VPS13B: variants seen among roughly 807,000 people sequenced by gnomAD.
VPS13B encodes the protein vacuolar protein sorting 13 homolog B.
In VPS13B, 285 loss-of-function variants were observed where a neutral mutation model predicts 426.4. The ratio of observed to expected loss-of-function variants is 0.67; its 90% CI spans 0.61 to 0.74. VPS13B has a LOEUF of 0.74. Among genes scored for constraint, VPS13B ranks in the 30% least tolerant of loss-of-function variants. The probability of loss-of-function intolerance (pLI) is 0.00; values close to 1 mark genes in which losing one functional copy is unlikely to be tolerated. For synonymous variants in VPS13B, 1,676 were observed against 1,676.4 expected (o/e 1.00, Z 0.01); for missense variants, 4,537 against 4,782.6 (o/e 0.95, Z 1.51).
At chr8:99,457,194 G>A (rs776578731) in intron 23 of VPS13B, among the ~76,000 whole-genome samples, 1 of 151,908 alleles carries the variant, frequency 6.6e-6, no homozygotes, top group Non-Finnish European at 1.5e-5. Flanking sequence ...AACATGCCCG[G>A]CTAACATTTT....
chr8:99,549,023 A>G (rs1185888619), intron 30 of VPS13B, among the ~76,000 whole-genome samples: 2 of 152,104 alleles, frequency 1.3e-5, no homozygotes, highest in African/African-American at 4.8e-5. Flanking sequence ...TTTCATTTGT[A>G]CTTGGAAAAC....
chr8:99,771,541 AGCCTGTGTATAT>A (rs1811489621), intron 40 of VPS13B, among the ~76,000 whole-genome samples: 2 of 152,260 alleles, frequency 1.3e-5, no homozygotes, highest in Non-Finnish European at 2.9e-5. Flanking sequence ...AGTGATCCAC[AGCCTGTGTATAT>A]ATGAGTGTGT....
chr8:99,684,362 G>A (rs1038531916), intron 35 of VPS13B, among the ~76,000 whole-genome samples: 2 of 152,174 alleles, frequency 1.3e-5, no homozygotes, highest in South Asian at 2.1e-4. Flanking sequence ...GAGGACAGGG[G>A]AATGAAGAAA....
At chr8:99,772,608 A>G (rs566049235) in intron 40 of VPS13B, among the ~76,000 whole-genome samples, 1 of 152,340 alleles carries the variant, frequency 6.6e-6, no homozygotes, top group South Asian at 2.1e-4. Flanking sequence ...AATGGTTAAA[A>G]TGATAAATTT....
Position 99,877,269 on chromosome 8 carries a change from G to GTT in VPS13B, c.*1605_*1606dup, listed in dbSNP as rs1817738000. 6.6e-6 allele frequency: 1 copy of GTT among 152,572 alleles called. No individual in the cohort carries two copies. Among genetic ancestry groups the GTT allele is most frequent in the Non-Finnish European group, 1.5e-5 (1 of 68,028 alleles). 9.5% of individuals were successfully genotyped at this position (152,572 alleles called of 1,614,324 possible). A position where few individuals can be genotyped will look rare whatever the true frequency, so the allele number is the denominator to read the frequency against. The stretch of plus-strand genomic sequence containing the variant: ...CTGACTATGAAAAATGTCTCTTTCA[G>GTT]TTTGTTCTGTAAATATTTAGAAAAG... On this transcript the variant is annotated 3_prime_UTR_variant, in exon 62 of 62. Coordinates refer to ENST00000357162, the MANE Select transcript of VPS13B (RefSeq NM_152564.5).
intron 59 of VPS13B, among the ~76,000 whole-genome samples, chr8:99,868,819 A>C (rs563320932): frequency 2.0e-5 from 3 of 152,358 alleles, no homozygotes; most frequent in Non-Finnish European, 2.9e-5. Context: ...GGCTGTGGGA[A>C]GATAACTCTA....
At chr8:99,112,909 A>G (rs1360646388) in intron 6 of VPS13B, among the ~76,000 whole-genome samples, 2 of 152,176 alleles carry the variant, frequency 1.3e-5, no homozygotes, top group Non-Finnish European at 2.9e-5. Flanking sequence ...GTCCCTTATC[A>G]TAAATAAACT....
rs1365125200 is a variant in VPS13B, at chr8:99,275,078, C to T, written c.2651-3C>T. The T allele has an allele frequency of 9.4e-6, 15 of 1,594,400 alleles. No homozygotes were observed. The highest frequency in any genetic ancestry group is 2.7e-5 in the African/African-American group (2 of 73,616). On this transcript the variant is annotated splice_region_variant and splice_polypyrimidine_tract_variant and intron_variant, in intron 18 of 61. Transcript: ENST00000357162. ...TTATTGTTTTATAAATATTTCTTTTCAGTTGATAGTGGAAAAGAGAAGTTG... is the reference window on the plus strand; with the variant it reads ...TTATTGTTTTATAAATATTTCTTTTTAGTTGATAGTGGAAAAGAGAAGTTG...
intron 2 of VPS13B, among the ~76,000 whole-genome samples, chr8:99,029,781 AAGAGGGAGAGGG>A (rs1397503052): frequency 5.3e-4 from 75 of 140,264 alleles, no homozygotes; most frequent in African/African-American, 1.8e-3. Context: ...AGACCGTGGA[AAGAGGGAGAGGG>A]AGAGGGAGAG....
At chr8:99,449,811 A>AT (rs75316303) in intron 23 of VPS13B, among the ~76,000 whole-genome samples, 269 of 149,042 alleles carry the variant, frequency 1.8e-3, no homozygotes, top group African/African-American at 5.2e-3. Flanking sequence ...CAGAAGAATG[A>AT]TTTTTTTTTT....
At chr8:99,308,513 C>T (rs977330026) in intron 19 of VPS13B, among the ~76,000 whole-genome samples, 5 of 152,168 alleles carry the variant, frequency 3.3e-5, no homozygotes, top group Admixed American at 3.3e-4. Context: ...ATGAACTCAT[C>T]CTTTTTTATG....
At chr8:99,625,152 G>A (rs1191818421) in intron 33 of VPS13B, among the ~76,000 whole-genome samples, 2 of 152,106 alleles carry the variant, frequency 1.3e-5, no homozygotes, top group African/African-American at 4.8e-5. Context: ...GATATAACAT[G>A]CAGGAGGTCC....
intron 34 of VPS13B, among the ~76,000 whole-genome samples, chr8:99,647,227 A>T (rs1563842744): frequency 6.6e-6 from 1 of 152,168 alleles, no homozygotes; most frequent in Non-Finnish European, 1.5e-5. Flanking sequence ...GTTCCTTTAT[A>T]TAGAAATCAT....
chr8:99,449,359 G>A (rs1229692863), intron 23 of VPS13B, among the ~76,000 whole-genome samples: 1 of 152,158 alleles, frequency 6.6e-6, no homozygotes, highest in Non-Finnish European at 1.5e-5. Context: ...GATGAATTTA[G>A]TTTGGTCCAT....
At chr8:99,067,501 G>T (rs935457239) in intron 3 of VPS13B, among the ~76,000 whole-genome samples, 1 of 152,162 alleles carries the variant, frequency 6.6e-6, no homozygotes, top group Admixed American at 6.5e-5. Flanking sequence ...CATGATGTGG[G>T]GGGCAGGGGG....
At chr8:99,618,409 T>C (rs865930164) in intron 33 of VPS13B, among the ~76,000 whole-genome samples, 6 of 152,110 alleles carry the variant, frequency 3.9e-5, no homozygotes, top group Middle Eastern at 3.2e-3. Flanking sequence ...AACTAGAACC[T>C]AGGTCTGCTG....
At chr8:99,257,403 T>C (rs111803582) in intron 17 of VPS13B, among the ~76,000 whole-genome samples, 204 of 152,214 alleles carry the variant, frequency 1.3e-3, no homozygotes, top group African/African-American at 4.6e-3. Context: ...GGATGACAAT[T>C]TTGTGTTGTG....
chr8:99,177,919 A>G (rs1262370502), intron 16 of VPS13B, among the ~76,000 whole-genome samples: 1 of 152,142 alleles, frequency 6.6e-6, no homozygotes, highest in Non-Finnish European at 1.5e-5. Context: ...ACAACATTCT[A>G]TTCTAGTGAC....
chr8:99,233,227 G>A (rs1816445507), intron 17 of VPS13B: 1 of 1,264,370 alleles, frequency 7.9e-7, no homozygotes, highest in Non-Finnish European at 1.2e-6. Context: ...AATGATTTCT[G>A]CACTAGTTAA....
Sources: gnomAD v4.1 joint callset for allele counts (sites outside exome capture counted in the v4.1 genomes callset) on GRCh38, gnomAD v4.1.1 for gene constraint, MANE v1.5 for transcripts, NCBI Gene and HGNC (gene_info 2026-07-23, HGNC 2026-07-21) for gene names.